Variants in FBXO34 observed in about 807,000 individuals in gnomAD.
The protein encoded by FBXO34 is F-box protein 34.
A neutral mutation model predicts 24.5 loss-of-function variants in FBXO34; 12 were observed. The observed-to-expected ratio is 0.49, with a 90% CI of 0.31 to 0.79. The LOEUF (loss-of-function observed/expected upper bound fraction) is 0.79, where lower values mean the gene tolerates loss of function less well. Ranked by LOEUF, FBXO34 falls within the 30% of genes least tolerant of loss-of-function variation. FBXO34 has a pLI of 0.04. For synonymous variants in FBXO34, 320 were observed against 311.9 expected (o/e 1.03, Z -0.27); for missense variants, 823 against 857.7 (o/e 0.96, Z 0.51).
At chr14:55,322,258 CGA>C (rs1883161267) in intron 1 of FBXO34, among the ~76,000 whole-genome samples, 1 of 149,444 alleles carries the variant, frequency 6.7e-6, no homozygotes, top group Non-Finnish European at 1.5e-5. Flanking sequence ...TGCAGTGAGC[CGA>C]GATCACGCCA....
downstream of FBXO34, chr14:55,366,828 T>C (rs1292093171): frequency 1.3e-5 from 2 of 152,654 alleles, no homozygotes; most frequent in East Asian, 1.9e-4. Context: ...TGTTTACATA[T>C]GGTTCTGGCA....
chr14:55,438,219 C>T, the FBXO34 span, among the ~76,000 whole-genome samples: 2 of 152,174 alleles, frequency 1.3e-5, no homozygotes, highest in Non-Finnish European at 1.5e-5. Context: ...ATGCTACCTC[C>T]GCTAATGTAC....
At chr14:55,374,216 G>GTTTTT (rs112314795), downstream of FBXO34, among the ~76,000 whole-genome samples, 1 of 151,232 alleles carries the variant, frequency 6.6e-6, no homozygotes, top group Non-Finnish European at 1.5e-5. Context: ...TTATTTTAAT[G>GTTTTT]TTTTTTTTTA....
rs1594769253 is a variant in FBXO34 at position 55,352,603 on chromosome 14, G to GC, written c.*82dup. The GC allele has an allele frequency of 2.5e-6, 3 of 1,193,898 alleles. No homozygotes were observed. Among genetic ancestry groups the GC allele is most frequent in the Non-Finnish European group, 2.3e-6 (2 of 858,184 alleles). The allele number at this position is 1,193,898 out of a possible 1,614,324, so 74.0% of individuals were successfully genotyped here. A position where few individuals can be genotyped will look rare whatever the true frequency, so the allele number is the denominator to read the frequency against. ...TAGATACACCGTTCAAATGAGCGTA[G>GC]CCCCCTGAGTCATCACTCTAGAAGA... On this transcript the variant is annotated 3_prime_UTR_variant, in exon 2 of 2. Transcript: ENST00000313833.
At chr14:55,417,658 C>T in the FBXO34 span, among the ~76,000 whole-genome samples, 191 of 152,166 alleles carry the variant, frequency 1.3e-3, no homozygotes, top group African/African-American at 4.2e-3. Flanking sequence ...ATGGGGGTCT[C>T]GCTATGTTGC....
chr14:55,351,741 A>G lies in FBXO34; in HGVS notation c.1351A>G (p.Lys451Glu). 6.2e-7 allele frequency: 1 copy of G among 1,614,214 alleles called. No homozygotes were observed. ...TACTAGCCGAAATCCTGATCAAAGA[A>G]AAGAATCTTTGTGCATTAGTATCAC... ...SLTSRNPDQR[K>E]ESLCISITVS... Residue 451 changes from lysine (K) to glutamate (E), a missense_variant, in exon 2 of 2, where the codon AAA (lysine) becomes GAA (glutamate). Around this residue, in one of 2 missense-constraint regions of FBXO34, gnomAD observed 693 missense variants for 659.1 expected, o/e 1.05. Transcript: ENST00000313833.
the FBXO34 span, among the ~76,000 whole-genome samples, chr14:55,388,156 T>A: frequency 6.6e-6 from 1 of 152,048 alleles, no homozygotes; most frequent in African/African-American, 2.4e-5. Flanking sequence ...AACAACAACA[T>A]CTCTTTGCCA....
the FBXO34 span, among the ~76,000 whole-genome samples, chr14:55,407,516 C>T: frequency 1.8e-4 from 27 of 152,208 alleles, no homozygotes; most frequent in Non-Finnish European, 3.1e-4. Flanking sequence ...CCGCCTGCCT[C>T]GGCCTCCCAA....
intron 1 of FBXO34, among the ~76,000 whole-genome samples, chr14:55,295,385 C>CTTTTT (rs1341367204): frequency 4.4e-5 from 5 of 114,106 alleles, no homozygotes; most frequent in Admixed American, 8.8e-5. Context: ...ATATTCTTTT[C>CTTTTT]TATTTTTTTT....
intron 1 of FBXO34, among the ~76,000 whole-genome samples, chr14:55,295,266 G>A (rs546662355): frequency 8.9e-4 from 136 of 152,170 alleles, no homozygotes; most frequent in Non-Finnish European, 1.6e-3. Context: ...TGCACAGTGC[G>A]GTGTGACAAT....
In FBXO34 at chr14:55,321,962, C is replaced by T. The variant is rs149328601; in HGVS notation, c.-10-28419C>T. On this transcript the variant is annotated intron_variant, in intron 1 of 1. Coordinates refer to ENST00000313833, the MANE Select transcript of FBXO34 (RefSeq NM_017943.4). ...TATTTGTGATCAGAAATTCAAACCA[C>T]ATTGAAATAGCTGCAAAAAAATCTC... Among the ~76,000 whole-genome samples, 220 of 152,258 alleles carry T rather than the reference C, an allele frequency of 1.4e-3. 7 individuals carry two copies. In the East Asian group the frequency reaches 0.018, roughly 13 times the overall value.
At chr14:55,396,206 T>A in the FBXO34 span, among the ~76,000 whole-genome samples, 1 of 152,224 alleles carries the variant, frequency 6.6e-6, no homozygotes, top group Non-Finnish European at 1.5e-5. Flanking sequence ...TCTACAAATG[T>A]CCACAATAAA....
the FBXO34 span, chr14:55,428,950 T>C: frequency 1.3e-5 from 21 of 1,614,148 alleles, no homozygotes; most frequent in Non-Finnish European, 1.8e-5. Context: ...CATATTTTCT[T>C]GCTGCAAGTC....
chr14:55,344,002 A>G (rs913100296), intron 1 of FBXO34, among the ~76,000 whole-genome samples: 5 of 152,180 alleles, frequency 3.3e-5, no homozygotes, highest in African/African-American at 1.2e-4. Context: ...GGAATACTGG[A>G]ATTATTGAAT....
chr14:55,377,809 ATCT>A, the FBXO34 span: 1 of 1,552,962 alleles, frequency 6.4e-7, no homozygotes. Flanking sequence ...AGCAACAAAT[ATCT>A]TCTTACCTGC....
chr14:55,365,403 A>C (rs1303054204), downstream of FBXO34, among the ~76,000 whole-genome samples: 1 of 152,032 alleles, frequency 6.6e-6, no homozygotes, highest in Non-Finnish European at 1.5e-5. Flanking sequence ...GCACTGGAAA[A>C]TACTCTTTGC....
chr14:55,398,319 G>GTT, the FBXO34 span, among the ~76,000 whole-genome samples: 1 of 151,892 alleles, frequency 6.6e-6, no homozygotes, highest in East Asian at 1.9e-4. Flanking sequence ...TGGGTTTTTT[G>GTT]TTTTTGTTTT....
the FBXO34 span, chr14:55,428,933 A>G: frequency 9.9e-6 from 16 of 1,614,168 alleles, 1 homozygote; most frequent in Non-Finnish European, 1.4e-5. Context: ...CTTCTGCACC[A>G]CACGAGCATA....
At chr14:55,280,474 C>A (rs1029548841) in intron 1 of FBXO34, among the ~76,000 whole-genome samples, 8 of 150,078 alleles carry the variant, frequency 5.3e-5, no homozygotes, top group African/African-American at 2.0e-4. Context: ...TTAAAGTATG[C>A]GGTAGAATGT....
Sources: gnomAD v4.1 joint callset for allele counts (sites outside exome capture counted in the v4.1 genomes callset) on GRCh38, gnomAD v4.1.1 for gene constraint, gnomAD v4.1.1 regional missense constraint, MANE v1.5 for transcripts, NCBI Gene and HGNC (gene_info 2026-07-23, HGNC 2026-07-21) for gene names.